DNAAF9: variants seen among roughly 807,000 people sequenced by gnomAD.
DNAAF9 encodes the protein shulin.
In DNAAF9, 90 loss-of-function variants were observed where a neutral mutation model predicts 167.0. The ratio of observed to expected loss-of-function variants is 0.54; its 90% CI spans 0.45 to 0.64. The LOEUF is 0.64. DNAAF9 is among the 30% of genes least tolerant of loss of function. The pLI, the probability that DNAAF9 is intolerant of heterozygous loss-of-function variation, is 0.00. For synonymous variants in DNAAF9, 491 were observed against 508.8 expected, an observed-to-expected ratio of 0.96 and a Z score of 0.47; for missense variants, 1,315 against 1,442.2, an observed-to-expected ratio of 0.91 and a Z score of 1.43.
intron 1 of DNAAF9, among the ~76,000 whole-genome samples, chr20:3,394,225 C>T (rs1223074104): frequency 6.6e-6 from 1 of 151,776 alleles, no homozygotes; most frequent in Non-Finnish European, 1.5e-5. Flanking sequence ...ATAATCACAG[C>T]TACTCGGGAG....
At chr20:3,403,740 C>A (rs907852805) in intron 1 of DNAAF9, among the ~76,000 whole-genome samples, 1 of 152,088 alleles carries the variant, frequency 6.6e-6, no homozygotes, top group Non-Finnish European at 1.5e-5. Flanking sequence ...CTCCTTATAA[C>A]CATCCTCAAA....
intron 2 of DNAAF9, 39 bp from the exon 3 acceptor site, chr20:3,381,537 T>C: frequency 6.3e-7 from 1 of 1,585,550 alleles, no homozygotes; most frequent in Non-Finnish European, 8.5e-7. Context: ...TGTACCATAC[T>C]ACAGGGAGCA....
At chr20:3,325,243 G>T (rs2069690017) in intron 13 of DNAAF9, among the ~76,000 whole-genome samples, 2 of 152,236 alleles carry the variant, frequency 1.3e-5, no homozygotes, top group Non-Finnish European at 1.5e-5. Flanking sequence ...ATCCAGAGAA[G>T]TGACCAGCTG....
intron 1 of DNAAF9, among the ~76,000 whole-genome samples, chr20:3,388,547 G>C (rs2083782544): frequency 6.6e-6 from 1 of 152,142 alleles, no homozygotes; most frequent in Non-Finnish European, 1.5e-5. Flanking sequence ...ACAGCCAAAA[G>C]GTGGAAGCAA....
chr20:3,278,983 C>T, intron 28 of DNAAF9, 34 bp from the exon 29 acceptor site: 1 of 1,480,232 alleles, frequency 6.8e-7, no homozygotes. Context: ...ATTTAAAAAC[C>T]ATTCACCTCA....
chr20:3,368,538 A>C (rs1231731122), intron 6 of DNAAF9, among the ~76,000 whole-genome samples: 3 of 139,070 alleles, frequency 2.2e-5, no homozygotes, highest in Non-Finnish European at 4.6e-5. Context: ...TTTGAGACAG[A>C]GTCTTGCTCT....
intron 16 of DNAAF9, among the ~76,000 whole-genome samples, chr20:3,321,183 T>C (rs943881150): frequency 1.3e-5 from 2 of 152,178 alleles, no homozygotes; most frequent in African/African-American, 4.8e-5. Context: ...TGTTGATTAT[T>C]GGCCATTTAA....
chr20:3,254,226 G>A (rs908788318), intron 35 of DNAAF9, among the ~76,000 whole-genome samples: 2 of 152,070 alleles, frequency 1.3e-5, no homozygotes, highest in African/African-American at 4.8e-5. Flanking sequence ...TTACAGGCAT[G>A]CGCCACCACG....
chr20:3,318,725 T>C (rs2069553972), intron 16 of DNAAF9, among the ~76,000 whole-genome samples: 1 of 151,392 alleles, frequency 6.6e-6, no homozygotes, highest in Non-Finnish European at 1.5e-5. Context: ...ATTTGGGAGG[T>C]CAAGGAACCC....
Position 3,322,225 on chromosome 20 carries a change from C to T in DNAAF9, c.1348G>A (p.Val450Met). ...PLDSEDSLSF[V>M]KTACMAVYDI... is the part of the protein sequence containing the mutation. ...ATGATAGCTCTGCTTACCGTCTTCACAAAGGATAAGCTATCTTCACTGTCC... is the reference window on the plus strand; with the variant it reads ...ATGATAGCTCTGCTTACCGTCTTCATAAAGGATAAGCTATCTTCACTGTCC... The change falls in exon 16 of 37, where the codon GTG becomes ATG. Residue 450 changes from valine to methionine, a missense_variant. By Grantham distance (21) the Val-to-Met change is conservative. Coordinates refer to ENST00000252032, the MANE Select transcript of DNAAF9 (RefSeq NM_001009984.3). 1 of 1,609,960 alleles carries T rather than the reference C, an allele frequency of 6.2e-7. No individual in the cohort carries two copies. The highest frequency in any genetic ancestry group is 8.5e-7 in the Non-Finnish European group (1 of 1,177,294).
At chr20:3,277,792 C>T (rs182043974) in intron 29 of DNAAF9, among the ~76,000 whole-genome samples, 16 of 152,304 alleles carry the variant, frequency 1.1e-4, no homozygotes, top group Admixed American at 6.5e-5. Context: ...GGACCTGAGA[C>T]TACCTGGTAC....
chr20:3,264,246 G>A lies in DNAAF9; in HGVS notation c.2873+192C>T, dbSNP rs1005397427. Reference sequence around the variant, plus strand: ...CATCTAAGAAGGCTCGCAGTTTGGAGCCCAAGAGGTGGAGCACTGGGCTCC... The same window carrying A: ...CATCTAAGAAGGCTCGCAGTTTGGAACCCAAGAGGTGGAGCACTGGGCTCC... On this transcript the variant is annotated intron_variant, in intron 31 of 36. Transcript: ENST00000252032. 4.6e-5 allele frequency among the ~76,000 whole-genome samples: 7 copies of A among 152,244 alleles called. No individual in the cohort carries two copies. In the East Asian group the frequency reaches 9.6e-4, roughly 21 times the overall value.
intron 33 of DNAAF9, among the ~76,000 whole-genome samples, chr20:3,256,497 G>A (rs1278342231): frequency 6.6e-6 from 1 of 152,138 alleles, no homozygotes; most frequent in Non-Finnish European, 1.5e-5. Context: ...GGGTGACAGA[G>A]GGAGATCCCA....
At chr20:3,322,743 C>T (rs138446606) in intron 14 of DNAAF9, 47 bp from the exon 15 acceptor site, 2 of 1,360,002 alleles carry the variant, frequency 1.5e-6, no homozygotes, top group Non-Finnish European at 2.1e-6. Flanking sequence ...TGCTCCTGCT[C>T]CTCAGATACC....
intron 36 of DNAAF9, 68 bp downstream of exon 36, chr20:3,253,658 G>T: frequency 1.1e-6 from 1 of 940,740 alleles, no homozygotes; most frequent in South Asian, 1.3e-5. Flanking sequence ...CCGCTTTGCA[G>T]ACAGGGTCAC....
chr20:3,271,508 A>G, intron 29 of DNAAF9, among the ~76,000 whole-genome samples: 1 of 152,182 alleles, frequency 6.6e-6, no homozygotes, highest in Non-Finnish European at 1.5e-5. Flanking sequence ...TCACCACCCC[A>G]AGATAATTAT....
chr20:3,268,566 AT>A (rs1356893825), intron 30 of DNAAF9, among the ~76,000 whole-genome samples: 2 of 152,138 alleles, frequency 1.3e-5, no homozygotes, highest in African/African-American at 4.8e-5. Flanking sequence ...TGACTTCGTG[AT>A]CTGCCTGCCT....
chr20:3,278,094 C>T (rs896544646), intron 29 of DNAAF9, among the ~76,000 whole-genome samples: 3 of 152,148 alleles, frequency 2.0e-5, no homozygotes, highest in South Asian at 2.1e-4. Context: ...TCTGGACCTC[C>T]AAACATCACA....
chr20:3,321,707 T>C (rs1344366378), intron 16 of DNAAF9, among the ~76,000 whole-genome samples: 1 of 152,188 alleles, frequency 6.6e-6, no homozygotes, highest in African/African-American at 2.4e-5. Context: ...GAGGTCGGGC[T>C]ACAGGTGCAT....
Sources: allele counts gnomAD v4.1 joint callset (sites outside exome capture counted in the v4.1 genomes callset), GRCh38; gene constraint gnomAD v4.1.1; transcripts MANE v1.5; gene names NCBI Gene and HGNC (gene_info 2026-07-23, HGNC 2026-07-21).